Variants in CPQ observed in about 807,000 individuals in gnomAD.
The protein encoded by CPQ is carboxypeptidase Q.
A neutral mutation model predicts 45.7 loss-of-function variants in CPQ; 37 were observed. The observed-to-expected ratio is 0.81, with a 90% confidence interval of 0.62 to 1.07. The LOEUF (loss-of-function observed/expected upper bound fraction) is 1.07, where lower values mean the gene tolerates loss of function less well. CPQ is among the 50% of genes least tolerant of loss of function. CPQ has a pLI of 0.00. For missense variants in CPQ, 537 were observed against 572.9 expected, an observed-to-expected ratio of 0.94 and a Z score of 0.64; for synonymous variants, 186 against 205.8, an observed-to-expected ratio of 0.90 and a Z score of 0.82.
chr8:97,128,634 G>A (rs1310019481), intron 7 of CPQ, among the ~76,000 whole-genome samples: 2 of 152,144 alleles, frequency 1.3e-5, no homozygotes, highest in Non-Finnish European at 2.9e-5. Context: ...GCAGTGAGCC[G>A]AGATGGTGCC....
chr8:96,724,562 CT>C (rs1352003589), intron 1 of CPQ, among the ~76,000 whole-genome samples: 2 of 151,624 alleles, frequency 1.3e-5, no homozygotes, highest in Admixed American at 1.3e-4. Context: ...GGTGAAAGAT[CT>C]CTATAAGGAG....
intron 4 of CPQ, among the ~76,000 whole-genome samples, chr8:96,926,698 T>C (rs1812895994): frequency 6.6e-6 from 1 of 151,464 alleles, no homozygotes; most frequent in South Asian, 2.1e-4. Context: ...TTTATTGTAC[T>C]TTAAGTTCTG....
intron 1 of CPQ, among the ~76,000 whole-genome samples, chr8:96,766,594 C>G (rs1563491468): frequency 6.6e-6 from 1 of 152,098 alleles, no homozygotes; most frequent in South Asian, 2.1e-4. Flanking sequence ...GTCCTCATGT[C>G]CTGCCTGTGG....
chr8:97,011,849 G>C (rs1586493368), intron 5 of CPQ, among the ~76,000 whole-genome samples: 2 of 152,272 alleles, frequency 1.3e-5, no homozygotes, highest in African/African-American at 2.4e-5. Flanking sequence ...CTTTGCTGCA[G>C]ATGCTTTCTC....
At chr8:96,920,093 G>T (rs7002312) in intron 4 of CPQ, among the ~76,000 whole-genome samples, 1 of 151,926 alleles carries the variant, frequency 6.6e-6, no homozygotes, top group Non-Finnish European at 1.5e-5. Context: ...CTTTCAATAA[G>T]TGTTACCTTC....
intron 4 of CPQ, among the ~76,000 whole-genome samples, chr8:96,890,271 A>G (rs1422433564): frequency 2.0e-5 from 3 of 152,254 alleles, no homozygotes; most frequent in Non-Finnish European, 4.4e-5. Flanking sequence ...ATTCTTAACA[A>G]AATTAGGAGG....
At chr8:96,730,377 G>T (rs1419490149) in intron 1 of CPQ, among the ~76,000 whole-genome samples, 1 of 152,282 alleles carries the variant, frequency 6.6e-6, no homozygotes, top group East Asian at 1.9e-4. Context: ...CTTTGGTTAA[G>T]TTCACTCATC....
At chr8:96,807,267 G>A (rs1056427758) in intron 2 of CPQ, among the ~76,000 whole-genome samples, 10 of 151,644 alleles carry the variant, frequency 6.6e-5, no homozygotes, top group African/African-American at 1.9e-4. Context: ...ACGGAGTCTC[G>A]CTCTGTCTCC....
chr8:97,065,887 G>A lies in CPQ; in HGVS notation c.1054-122G>A. On this transcript the variant is annotated intron_variant, in intron 6 of 7. Coordinates refer to ENST00000220763, the MANE Select transcript of CPQ (RefSeq NM_016134.4). Reference sequence around the variant, plus strand: ...CAGAGCAGACCTTAAGTCAGGCACAGCAACATGTGTTTTGGCACAGCCGTA... The same window carrying A: ...CAGAGCAGACCTTAAGTCAGGCACAACAACATGTGTTTTGGCACAGCCGTA... 4 of 897,882 alleles carry A rather than the reference G, an allele frequency of 4.5e-6. No homozygotes were observed. The South Asian group carries it at 6.2e-5, about 14-fold the overall frequency. 55.6% of individuals were successfully genotyped at this position (897,882 alleles called of 1,614,324 possible). A position where few individuals can be genotyped will look rare whatever the true frequency, so the allele number is the denominator to read the frequency against.
chr8:97,125,985 G>T (rs1201186253), intron 7 of CPQ, among the ~76,000 whole-genome samples: 1 of 152,128 alleles, frequency 6.6e-6, no homozygotes, highest in Non-Finnish European at 1.5e-5. Context: ...AAAGAGAGGG[G>T]CTCTGTGAAA....
intron 7 of CPQ, among the ~76,000 whole-genome samples, chr8:97,103,682 C>A (rs187561747): frequency 2.6e-5 from 4 of 152,206 alleles, no homozygotes; most frequent in Admixed American, 2.6e-4. Flanking sequence ...GAAAGATGAT[C>A]CCAGGAAAGA....
chr8:96,700,426 C>T (rs555824448), intron 1 of CPQ, among the ~76,000 whole-genome samples: 46 of 152,128 alleles, frequency 3.0e-4, no homozygotes, highest in African/African-American at 1.1e-3. Context: ...TGAGATACCC[C>T]ATTTGGTGAG....
intron 1 of CPQ, among the ~76,000 whole-genome samples, chr8:96,776,435 T>C (rs1810605845): frequency 6.6e-6 from 1 of 152,190 alleles, no homozygotes; most frequent in Non-Finnish European, 1.5e-5. Context: ...CAATAAAAGA[T>C]CAATAAATCT....
In CPQ at chr8:96,716,908, CACACACACACAT is replaced by C. The variant is rs1256391327; in HGVS notation, c.-34-67944_-34-67933del. ...GGCAAAAAAGAGCAAAACTCCGTCA[CACACACACACAT>C]ACACACACACACACGCAAGAATAAT... On this transcript the variant is annotated intron_variant, in intron 1 of 7. Transcript: ENST00000220763. Among the ~76,000 whole-genome samples, 10 of 150,312 alleles carry C rather than the reference CACACACACACAT, an allele frequency of 6.7e-5. No individual in the cohort carries two copies. In the South Asian group the frequency reaches 2.1e-3, roughly 32 times the overall value.
chr8:96,675,928 C>T (rs1809071479), intron 1 of CPQ, among the ~76,000 whole-genome samples: 1 of 151,940 alleles, frequency 6.6e-6, no homozygotes, highest in Non-Finnish European at 1.5e-5. Context: ...CACACTAGTG[C>T]ATTTTTGGTG....
intron 4 of CPQ, among the ~76,000 whole-genome samples, chr8:96,921,501 C>T (rs945198116): frequency 6.6e-6 from 1 of 152,136 alleles, no homozygotes; most frequent in African/African-American, 2.4e-5. Context: ...GGTTAGACCA[C>T]CTTTTAGGTG....
chr8:96,973,322 A>C (rs1334372854), intron 5 of CPQ, among the ~76,000 whole-genome samples: 1 of 152,100 alleles, frequency 6.6e-6, no homozygotes, highest in Non-Finnish European at 1.5e-5. Flanking sequence ...AAAGACAAAG[A>C]AAAAAGAATG....
chr8:97,136,612 T>A lies in CPQ; in HGVS notation c.1256-6408T>A, dbSNP rs547528342. On this transcript the variant is annotated intron_variant, in intron 7 of 7. Transcript: ENST00000220763. ...TCTAAACCCCATATTCTCTCAGCTGTATCTCCCTCCTAGGTGCAATGGCTC... is the reference window on the plus strand; with the variant it reads ...TCTAAACCCCATATTCTCTCAGCTGAATCTCCCTCCTAGGTGCAATGGCTC... Among the ~76,000 whole-genome samples, 238 of 152,288 alleles carry A rather than the reference T, an allele frequency of 1.6e-3. 1 individual carries two copies. Among genetic ancestry groups the A allele is most frequent in the African/African-American group, 5.2e-3 (215 of 41,570 alleles).
At chr8:97,082,362 T>G (rs1443942906) in intron 7 of CPQ, among the ~76,000 whole-genome samples, 1 of 151,356 alleles carries the variant, frequency 6.6e-6, no homozygotes, top group Admixed American at 6.6e-5. Flanking sequence ...TTGGAAAAGT[T>G]ACAGTGACCC....
Sources: allele counts gnomAD v4.1 joint callset (sites outside exome capture counted in the v4.1 genomes callset), GRCh38; gene constraint gnomAD v4.1.1; transcripts MANE v1.5; gene names NCBI Gene and HGNC (gene_info 2026-07-23, HGNC 2026-07-21).